MIB1: variants seen among roughly 807,000 people sequenced by gnomAD.
MIB1 encodes the protein E3 ubiquitin-protein ligase MIB1.
In MIB1, 278 loss-of-function variants were observed where a neutral mutation model predicts 124.5. That is an observed-to-expected ratio of 2.23 (90% CI 2.02 to 2.47). The LOEUF is 2.47. Ranked by LOEUF, MIB1 falls within the 30% of genes most tolerant of loss-of-function variation. MIB1 has a pLI of 0.00. For missense variants in MIB1, 957 were observed against 1,254.4 expected (o/e 0.76, Z 3.58); for synonymous variants, 446 against 429.4 (o/e 1.04, Z -0.48).
chr18:21,760,667 A>G (rs776733050), intron 1 of MIB1, among the ~76,000 whole-genome samples: 3 of 152,240 alleles, frequency 2.0e-5, no homozygotes, highest in Non-Finnish European at 2.9e-5. Flanking sequence ...TACACAGATT[A>G]TGAGCTCATG....
chr18:21,787,612 G>T (rs975526550), intron 6 of MIB1, among the ~76,000 whole-genome samples: 16 of 152,248 alleles, frequency 1.1e-4, no homozygotes, highest in Middle Eastern at 3.4e-3. Flanking sequence ...TTTGTGCCTG[G>T]TAGATAGGGG....
chr18:21,789,651 T>C (rs150220348), intron 6 of MIB1, among the ~76,000 whole-genome samples: 123 of 152,214 alleles, frequency 8.1e-4, no homozygotes, highest in South Asian at 2.1e-3. Flanking sequence ...ACCCTGCCTC[T>C]ACTAAAAATA....
At chr18:21,725,180 T>C (rs1598580910) in intron 1 of MIB1, among the ~76,000 whole-genome samples, 1 of 152,032 alleles carries the variant, frequency 6.6e-6, no homozygotes, top group Non-Finnish European at 1.5e-5. Context: ...CTAATACTTA[T>C]TGCACTATTT....
chr18:21,821,777 T>C (rs2041881092), intron 12 of MIB1, among the ~76,000 whole-genome samples: 1 of 151,892 alleles, frequency 6.6e-6, no homozygotes, highest in African/African-American at 2.4e-5. Context: ...TTTTTTTGTA[T>C]TTTTTAGTAG....
chr18:21,783,347 A>G (rs1029240783), intron 6 of MIB1, among the ~76,000 whole-genome samples: 4 of 151,752 alleles, frequency 2.6e-5, no homozygotes, highest in Non-Finnish European at 5.9e-5. Flanking sequence ...GGTTCAAGCA[A>G]TTCTCCTGTC....
intron 7 of MIB1, among the ~76,000 whole-genome samples, chr18:21,793,465 A>G (rs1261600517): frequency 6.6e-6 from 1 of 152,126 alleles, no homozygotes; most frequent in African/African-American, 2.4e-5. Context: ...GGGAATAAGG[A>G]ATAGAACTTC....
intron 20 of MIB1, among the ~76,000 whole-genome samples, chr18:21,862,732 C>A (rs894077654): frequency 6.6e-6 from 1 of 152,108 alleles, no homozygotes; most frequent in Non-Finnish European, 1.5e-5. Flanking sequence ...TCCCGCTGAG[C>A]CTCGTTTTCC....
At chr18:21,805,877 T>C (rs2041699007) in intron 10 of MIB1, among the ~76,000 whole-genome samples, 1 of 150,580 alleles carries the variant, frequency 6.6e-6, no homozygotes, top group Admixed American at 6.6e-5. Context: ...GCACTGTTTT[T>C]CAAGAGTAAT....
At chr18:21,796,060 A>G (rs969561743) in intron 7 of MIB1, among the ~76,000 whole-genome samples, 6 of 152,254 alleles carry the variant, frequency 3.9e-5, no homozygotes, top group African/African-American at 1.4e-4. Flanking sequence ...AAACAAAACA[A>G]ATGTCTTCTT....
At position 21,776,381 on chromosome 18, in the gene MIB1, G is replaced by T. The variant is rs188212877; in HGVS notation, c.637-1722G>T. Among the ~76,000 whole-genome samples the T allele has an allele frequency of 5.3e-4, 80 of 152,234 alleles. No individual in the cohort carries two copies. The Middle Eastern group carries it at 0.014, about 26-fold the overall frequency. ...AGAGTTGGGTACTGTGTGAGTGTGCGTGTGTGTGCACATGCATGTGCATAC... is the reference window on the plus strand; with the variant it reads ...AGAGTTGGGTACTGTGTGAGTGTGCTTGTGTGTGCACATGCATGTGCATAC... On this transcript the variant is annotated intron_variant, in intron 4 of 20. Transcript: ENST00000261537.
chr18:21,729,491 T>C (rs888819806), intron 1 of MIB1, among the ~76,000 whole-genome samples: 1 of 151,742 alleles, frequency 6.6e-6, no homozygotes, highest in African/African-American at 2.4e-5. Flanking sequence ...TCTCTTATTA[T>C]GATAATTATT....
chr18:21,729,456 C>T (rs1011206758), intron 1 of MIB1, among the ~76,000 whole-genome samples: 23 of 152,162 alleles, frequency 1.5e-4, no homozygotes, highest in East Asian at 5.8e-4. Flanking sequence ...ACATGGTAGA[C>T]GATGCAAAAG....
chr18:21,743,251 C>T (rs1456959963), intron 1 of MIB1, among the ~76,000 whole-genome samples: 3 of 152,140 alleles, frequency 2.0e-5, no homozygotes, highest in Admixed American at 6.5e-5. Flanking sequence ...AATCTAATCC[C>T]CTTTTAAGTG....
At chr18:21,727,535 T>C (rs2040747858) in intron 1 of MIB1, among the ~76,000 whole-genome samples, 2 of 152,074 alleles carry the variant, frequency 1.3e-5, no homozygotes, top group Non-Finnish European at 2.9e-5. Context: ...TTGAAGCTAG[T>C]AGTTTGAGAC....
chr18:21,795,553 T>C (rs2041569093), intron 7 of MIB1, among the ~76,000 whole-genome samples: 1 of 151,312 alleles, frequency 6.6e-6, no homozygotes, highest in South Asian at 2.1e-4. Flanking sequence ...GGAGACCTCT[T>C]TGAATATGTC....
intron 6 of MIB1, among the ~76,000 whole-genome samples, chr18:21,787,403 T>G (rs1234897809): frequency 1.3e-5 from 2 of 152,324 alleles, no homozygotes; most frequent in Non-Finnish European, 1.5e-5. Context: ...AGGGCTAGGT[T>G]TGCTAGTCCT....
intron 12 of MIB1, among the ~76,000 whole-genome samples, chr18:21,835,893 ATGTT>A (rs1568220703): frequency 1.3e-5 from 2 of 149,446 alleles, no homozygotes; most frequent in African/African-American, 4.9e-5. Flanking sequence ...TATTTGTACT[ATGTT>A]TGAGTATACA....
At chr18:21,788,412 C>G (rs1370802771) in intron 6 of MIB1, among the ~76,000 whole-genome samples, 1 of 152,100 alleles carries the variant, frequency 6.6e-6, no homozygotes, top group Non-Finnish European at 1.5e-5. Flanking sequence ...TTGACAAAAT[C>G]CAACACCCTT....
At chr18:21,793,171 T>TAGCAGCACCTGA (rs1488706465) in intron 7 of MIB1, among the ~76,000 whole-genome samples, 1 of 152,216 alleles carries the variant, frequency 6.6e-6, no homozygotes, top group African/African-American at 2.4e-5. Context: ...ACAATTGTCT[T>TAGCAGCACCTGA]AGCAGCACCT....
Sources: allele counts gnomAD v4.1 joint callset (sites outside exome capture counted in the v4.1 genomes callset), GRCh38; gene constraint gnomAD v4.1.1; transcripts MANE v1.5; gene names NCBI Gene and HGNC (gene_info 2026-07-23, HGNC 2026-07-21).